HSBP1L1: variants seen among roughly 807,000 people sequenced by gnomAD.
The protein encoded by HSBP1L1 is heat shock factor-binding protein 1-like protein 1.
HSBP1L1 carries 8 observed loss-of-function variants against 9.7 expected under a neutral mutation model. The observed-to-expected ratio is 0.82, with a 90% CI of 0.48 to 1.48. The LOEUF (loss-of-function observed/expected upper bound fraction) is 1.48, where lower values mean the gene tolerates loss of function less well. Among genes scored for constraint, HSBP1L1 ranks in the 40% most tolerant of loss-of-function variants. The pLI, the probability that HSBP1L1 is intolerant of heterozygous loss-of-function variation, is 0.00. For synonymous variants in HSBP1L1, 39 were observed against 34.4 expected (o/e 1.13, Z -0.46); for missense variants, 106 against 95.8 (o/e 1.11, Z -0.44).
At chr18:79,968,523 A>T (rs1184451112) in intron 3 of HSBP1L1, among the ~76,000 whole-genome samples, 2 of 152,034 alleles carry the variant, frequency 1.3e-5, no homozygotes, top group African/African-American at 4.8e-5. Flanking sequence ...ACGGGGTTTC[A>T]CTATGTTGGC....
In HSBP1L1 at chr18:79,966,886, C is replaced by G. The variant is rs9963294; in HGVS notation, c.118+208C>G. 20 of 453,174 alleles carry G rather than the reference C, an allele frequency of 4.4e-5. 1 individual carries two copies. In the South Asian group the frequency reaches 4.5e-4, roughly 10 times the overall value. 28.1% of individuals were successfully genotyped at this position (453,174 alleles called of 1,614,324 possible). A position where few individuals can be genotyped will look rare whatever the true frequency, so the allele number is the denominator to read the frequency against. ...ACCTCCGGCCGGGTGCAGTGGCTCA[C>G]GCCTGTAATCCCAGCACTTTGGGAG... On this transcript the variant is annotated intron_variant, in intron 2 of 3. Transcript: ENST00000451882.
At position 79,970,460 on chromosome 18, in the gene HSBP1L1, T is replaced by C. The variant is rs116269936; in HGVS notation, c.*9T>C. 158 of 718,556 alleles carry C rather than the reference T, an allele frequency of 2.2e-4. No homozygotes were observed. In the African/African-American group the frequency reaches 2.6e-3, roughly 12 times the overall value. The allele number at this position is 718,556 out of a possible 1,614,324, so 44.5% of individuals were successfully genotyped here. On this transcript the variant is annotated 3_prime_UTR_variant, in exon 4 of 4. Transcript: ENST00000451882. ...AATAGCTGAAGACCTAACTGCAGCA[T>C]GTCTGTATTTGGAGATGGGGCCTCT...
At chr18:79,969,779 C>G (rs1365330848) in intron 3 of HSBP1L1, among the ~76,000 whole-genome samples, 1 of 152,184 alleles carries the variant, frequency 6.6e-6, no homozygotes, top group Non-Finnish European at 1.5e-5. Context: ...TACTGAGATT[C>G]ATGTCGACAC....
intron 1 of HSBP1L1, among the ~76,000 whole-genome samples, chr18:79,965,376 G>C (rs772987361): frequency 6.6e-6 from 1 of 152,144 alleles, no homozygotes; most frequent in Non-Finnish European, 1.5e-5. Context: ...AGAAAGCCCT[G>C]GCATGGTTCA....
At chr18:79,965,986 C>T (rs2051254661) in intron 1 of HSBP1L1, among the ~76,000 whole-genome samples, 1 of 152,130 alleles carries the variant, frequency 6.6e-6, no homozygotes, top group South Asian at 2.1e-4. Context: ...GGCTGGAGTG[C>T]AGTGGCGCGA....
At position 79,969,355 on chromosome 18, in the gene HSBP1L1, GAAAGAAAGAA is replaced by G. The variant is rs2051280279; in HGVS notation, c.214-1083_214-1074del. Among the ~76,000 whole-genome samples, 2 of 43,848 alleles carry G rather than the reference GAAAGAAAGAA, an allele frequency of 4.6e-5. 1 individual carries two copies. The highest frequency in any genetic ancestry group is 1.1e-4 in the Non-Finnish European group (2 of 17,650). 28.8% of individuals were successfully genotyped at this position (43,848 alleles called of 152,430 possible). ...AAAAAGAAAGAAAGAAAGAAAGAAAGAAAGAAAGAAAGAAAGAAAGAAAGAAAGAAAGAAA... is the reference window on the plus strand; with the variant it reads ...AAAAAGAAAGAAAGAAAGAAAGAAAGAGAAAGAAAGAAAGAAAGAAAGAAA... On this transcript the variant is annotated intron_variant, in intron 3 of 3. Transcript: ENST00000451882.
intron 3 of HSBP1L1, chr18:79,969,980 G>C: frequency 6.1e-6 from 1 of 163,830 alleles, no homozygotes. Flanking sequence ...GCTGCCACAA[G>C]TAATTTCTGG....
At position 79,968,109 on chromosome 18, in the gene HSBP1L1, A is replaced by T; in HGVS notation, c.139A>T (p.Ile47Phe). 1 of 1,549,930 alleles carries T rather than the reference A, an allele frequency of 6.5e-7. No individual in the cohort carries two copies. The highest frequency in any genetic ancestry group is 8.7e-7 in the Non-Finnish European group (1 of 1,145,478). The stretch of plus-strand genomic sequence containing the variant: ...TGTACTGGAAGAAATGGGAAATCGC[A>T]TTGAGGACTTACAGAAGAATGTCAA... Reference protein sequence around the residue: ...NLRMEEMGNRIEDLQKNVKDL... With the variant: ...NLRMEEMGNRFEDLQKNVKDL... The change falls in exon 3 of 4, where the codon ATT becomes TTT. Residue 47 changes from isoleucine to phenylalanine, a missense_variant. Ile to Phe is a conservative substitution (Grantham distance 21, BLOSUM62 0). Coordinates refer to ENST00000451882, the MANE Select transcript of HSBP1L1 (RefSeq NM_001136180.2).
At position 79,964,705 on chromosome 18, in the gene HSBP1L1, C is replaced by T; in HGVS notation, c.-31C>T. ...GCCGGGTCCGCGCGGCCCACGGGAC[C>T]CCCCACTGACGCCCCCGGCCAGCGG... On this transcript the variant is annotated 5_prime_UTR_variant, in exon 1 of 4. Coordinates refer to ENST00000451882, the MANE Select transcript of HSBP1L1 (RefSeq NM_001136180.2). 7.4e-7 allele frequency: 1 copy of T among 1,347,612 alleles called. No individual in the cohort carries two copies. The highest frequency in any genetic ancestry group is 9.7e-7 in the Non-Finnish European group (1 of 1,026,884). 83.5% of individuals were successfully genotyped at this position (1,347,612 alleles called of 1,614,324 possible). A position where few individuals can be genotyped will look rare whatever the true frequency, so the allele number is the denominator to read the frequency against.
rs779982143 is a variant in HSBP1L1, at chr18:79,970,491, A to C, written c.*40A>C. 1.1e-5 allele frequency: 8 copies of C among 718,418 alleles called. No homozygotes were observed. The highest frequency in any genetic ancestry group is 1.0e-4 in the South Asian group (7 of 67,602). 44.5% of individuals were successfully genotyped at this position (718,418 alleles called of 1,614,324 possible). A position where few individuals can be genotyped will look rare whatever the true frequency, so the allele number is the denominator to read the frequency against. The stretch of plus-strand genomic sequence containing the variant: ...TATTTGGAGATGGGGCCTCTACAGA[A>C]GTCATTAAGGTTACATCGGTCCTGA... On this transcript the variant is annotated 3_prime_UTR_variant, in exon 4 of 4. Transcript: ENST00000451882.
At chr18:79,966,090 C>G (rs1027891684) in intron 1 of HSBP1L1, among the ~76,000 whole-genome samples, 1 of 152,170 alleles carries the variant, frequency 6.6e-6, no homozygotes, top group Non-Finnish European at 1.5e-5. Context: ...CGCCACTGCA[C>G]CCAGCTAATT....
At position 79,966,627 on chromosome 18, in the gene HSBP1L1, C is replaced by T. The variant is rs1342534879; in HGVS notation, c.67C>T (p.Gln23Ter). The T allele has an allele frequency of 2.6e-6, 4 of 1,549,504 alleles. No homozygotes were observed. In the East Asian group the frequency reaches 9.8e-5, roughly 38 times the overall value. Reference sequence around the variant, plus strand: ...ATTTTTTCAGGCAGAAAATCTATTTCAGGAACTTCAGGAACATTTTCAAGC... The same window carrying T: ...ATTTTTTCAGGCAGAAAATCTATTTTAGGAACTTCAGGAACATTTTCAAGC... ...ALRDAAENLFQELQEHFQALT... is the reference protein window; with the variant it reads ...ALRDAAENLF Residue 23 changes from glutamine to a stop codon, truncating the protein, a stop_gained, in exon 2 of 4, where the codon CAG (glutamine) becomes TAG (stop). Coordinates refer to ENST00000451882, the MANE Select transcript of HSBP1L1 (RefSeq NM_001136180.2). LOFTEE classifies it high-confidence loss of function.
chr18:79,966,233 A>C (rs1428257797), intron 1 of HSBP1L1, among the ~76,000 whole-genome samples: 1 of 151,854 alleles, frequency 6.6e-6, no homozygotes, highest in Non-Finnish European at 1.5e-5. Context: ...GCCCGGCCTT[A>C]TCCCATGATA....
rs369894450 is a variant in HSBP1L1, at chr18:79,967,340, G to A, written c.118+662G>A. ...CACTGAAGCACAGGATCCCAGATAC[G>A]GCTCTCCCAAACTTTGTTTTGTTTA... On this transcript the variant is annotated intron_variant, in intron 2 of 3. Coordinates refer to ENST00000451882, the MANE Select transcript of HSBP1L1 (RefSeq NM_001136180.2). Among the ~76,000 whole-genome samples the A allele has an allele frequency of 1.1e-3, 174 of 152,056 alleles. 1 individual carries two copies. Among genetic ancestry groups the A allele is most frequent in the Non-Finnish European group, 1.9e-3 (131 of 67,972 alleles).
At position 79,964,796 on chromosome 18, in the gene HSBP1L1, T is replaced by A. The variant is rs2051248342; in HGVS notation, c.51+10T>A. 2 of 1,175,000 alleles carry A rather than the reference T, an allele frequency of 1.7e-6. No homozygotes were observed. Among genetic ancestry groups the A allele is most frequent in the Non-Finnish European group, 2.1e-6 (2 of 937,612 alleles). 72.8% of individuals were successfully genotyped at this position (1,175,000 alleles called of 1,614,324 possible). ...CGCGCTGCGGGACGCGGTGAGCCCCTCCCCGACTCCTGCTTCTCTCTGGAT... is the reference window on the plus strand; with the variant it reads ...CGCGCTGCGGGACGCGGTGAGCCCCACCCCGACTCCTGCTTCTCTCTGGAT... On this transcript the variant is annotated intron_variant, in intron 1 of 3. Coordinates refer to ENST00000451882, the MANE Select transcript of HSBP1L1 (RefSeq NM_001136180.2).
chr18:79,968,279 G>T, intron 3 of HSBP1L1, 96 bp downstream of exon 3: 1 of 730,912 alleles, frequency 1.4e-6, no homozygotes, highest in Non-Finnish European at 2.3e-6. Flanking sequence ...TATGGGAATT[G>T]CTGCCTCTGT....
At chr18:79,965,211 C>T (rs1376880334) in intron 1 of HSBP1L1, among the ~76,000 whole-genome samples, 3 of 152,176 alleles carry the variant, frequency 2.0e-5, no homozygotes, top group Non-Finnish European at 2.9e-5. Context: ...CCCAGGGCTC[C>T]GGCCTCTTCC....
At chr18:79,969,199 G>GGAAAGAAAGAAA (rs199951699) in intron 3 of HSBP1L1, among the ~76,000 whole-genome samples, 1 of 82,012 alleles carries the variant, frequency 1.2e-5, no homozygotes, top group African/African-American at 4.7e-5. Flanking sequence ...AGAAAAGAAA[G>GGAAAGAAAGAAA]GAAAGAAAGA....
chr18:79,968,729 A>G (rs2051269990), intron 3 of HSBP1L1, among the ~76,000 whole-genome samples: 1 of 151,528 alleles, frequency 6.6e-6, no homozygotes, highest in African/African-American at 2.4e-5. Context: ...TCGGCCTCCC[A>G]AAGTGCCTCC....
Sources: allele counts gnomAD v4.1 joint callset (sites outside exome capture counted in the v4.1 genomes callset), GRCh38; gene constraint gnomAD v4.1.1; transcripts MANE v1.5; gene names NCBI Gene and HGNC (gene_info 2026-07-23, HGNC 2026-07-21).